PRDM1: variants seen among roughly 807,000 people sequenced by gnomAD.
PRDM1 encodes the protein PR/SET domain 1.
PRDM1 carries 13 observed loss-of-function variants against 62.8 expected under a neutral mutation model. That is an observed-to-expected ratio of 0.21 (90% CI 0.13 to 0.33). The LOEUF (loss-of-function observed/expected upper bound fraction) is 0.33. Ranked by LOEUF, PRDM1 falls within the 10% of genes least tolerant of loss-of-function variation. The probability of loss-of-function intolerance (pLI) is 1.00; values close to 1 mark genes in which losing one functional copy is unlikely to be tolerated. For missense variants in PRDM1, 895 were observed against 1,058.8 expected (o/e 0.85, Z 2.15); for synonymous variants, 396 against 417.6 (o/e 0.95, Z 0.63).
upstream of PRDM1, among the ~76,000 whole-genome samples, chr6:106,084,153 T>C (rs915266238): frequency 2.0e-5 from 3 of 151,710 alleles, no homozygotes; most frequent in African/African-American, 4.8e-5. Flanking sequence ...GTTTGGAGGT[T>C]TTTTTTTTCC....
intron 1 of PRDM1, among the ~76,000 whole-genome samples, chr6:106,052,500 A>G (rs1423051728): frequency 6.6e-6 from 1 of 152,172 alleles, no homozygotes; most frequent in African/African-American, 2.4e-5. Flanking sequence ...GCTGTTAATA[A>G]TGTATATCTT....
At chr6:106,031,914 T>G (rs1180843788) in intron 1 of PRDM1, among the ~76,000 whole-genome samples, 1 of 152,162 alleles carries the variant, frequency 6.6e-6, no homozygotes, top group East Asian at 1.9e-4. Flanking sequence ...TTTTAACTTT[T>G]TTTGTGCCCA....
At chr6:106,105,976 G>C (rs377350934) in intron 5 of PRDM1, 43 bp downstream of exon 5, 12 of 1,567,818 alleles carry the variant, frequency 7.7e-6, no homozygotes, top group Non-Finnish European at 9.5e-6. Flanking sequence ...GTGAGTGCAT[G>C]CTTGTGTTTG....
intron 1 of PRDM1, among the ~76,000 whole-genome samples, chr6:106,038,027 T>TTTTTTTTTTTTTTTTTTTG (rs1772946470): frequency 8.8e-6 from 1 of 113,524 alleles, no homozygotes; most frequent in Non-Finnish European, 1.8e-5. Flanking sequence ...TTTTTTTTTT[T>TTTTTTTTTTTTTTTTTTTG]TTTTTTTGAG....
rs1241575242 is a variant in PRDM1 at position 106,098,254 on chromosome 6, G to A, written c.412-1046G>A. ...ATAAGGAAATTTCTTAAAGTCTAAAGTAAAGGTGGTACCTCCTAAAAAGAG... is the reference window on the plus strand; with the variant it reads ...ATAAGGAAATTTCTTAAAGTCTAAAATAAAGGTGGTACCTCCTAAAAAGAG... On this transcript the variant is annotated intron_variant, in intron 3 of 6. Coordinates refer to ENST00000369096, the MANE Select transcript of PRDM1 (RefSeq NM_001198.4). The A allele has an allele frequency of 1.1e-5, 11 of 985,120 alleles. No individual in the cohort carries two copies. In the African/African-American group the frequency reaches 1.9e-4, roughly 17 times the overall value. 61.0% of individuals were successfully genotyped at this position (985,120 alleles called of 1,614,324 possible). A position where few individuals can be genotyped will look rare whatever the true frequency, so the allele number is the denominator to read the frequency against.
chr6:106,018,473 A>T (rs533416333), intron 1 of PRDM1, among the ~76,000 whole-genome samples: 1 of 152,270 alleles, frequency 6.6e-6, no homozygotes, highest in South Asian at 2.1e-4. Flanking sequence ...GCTTTTACCT[A>T]GTGTCCTTTT....
intron 1 of PRDM1, among the ~76,000 whole-genome samples, chr6:105,997,284 T>A (rs895098932): frequency 2.4e-4 from 36 of 152,210 alleles, no homozygotes; most frequent in Admixed American, 2.0e-4. Flanking sequence ...GATTTTTTTT[T>A]ATATTGTGCT....
intron 1 of PRDM1, among the ~76,000 whole-genome samples, chr6:106,056,567 C>T (rs139793284): frequency 2.0e-5 from 3 of 152,214 alleles, no homozygotes; most frequent in East Asian, 1.9e-4. Flanking sequence ...GAAGCTCCTG[C>T]GAAGGAAGTA....
chr6:106,064,988 T>G (rs920764247), intron 1 of PRDM1, among the ~76,000 whole-genome samples: 3 of 152,186 alleles, frequency 2.0e-5, no homozygotes, highest in African/African-American at 7.2e-5. Flanking sequence ...GCCACACTGG[T>G]TGTCCATGTG....
intron 1 of PRDM1, among the ~76,000 whole-genome samples, chr6:106,064,385 C>T (rs1398993906): frequency 1.3e-5 from 2 of 152,134 alleles, no homozygotes; most frequent in Non-Finnish European, 2.9e-5. Context: ...GCTTAGCCAG[C>T]GGGGAAACTG....
upstream of PRDM1, among the ~76,000 whole-genome samples, chr6:106,045,172 C>A (rs891723407): frequency 6.6e-6 from 1 of 151,990 alleles, no homozygotes; most frequent in African/African-American, 2.4e-5. Flanking sequence ...AGGAACTATC[C>A]CAATAAAACA....
chr6:106,013,186 ACTCTTCAACAACAGATCATCAAT>A (rs1225568445), intron 1 of PRDM1, among the ~76,000 whole-genome samples: 7 of 150,910 alleles, frequency 4.6e-5, no homozygotes. Context: ...GCCTGGCCAT[ACTCTTCAACAACAGATCATCAAT>A]AATTGCAGTG....
At position 106,107,153 on chromosome 6, in the gene PRDM1, G is replaced by T. The variant is rs746866971; in HGVS notation, c.2145G>T (p.Ala715=). The change falls in exon 7 of 7, where the codon GCG becomes GCT. Residue 715 remains alanine (A), a synonymous_variant. Coordinates refer to ENST00000369096, the MANE Select transcript of PRDM1 (RefSeq NM_001198.4). Reference sequence around the variant, plus strand: ...AAGGGAACTGCGCTGCGGCCCCGGCGCCTGGGCTGCCCTTGGAAGATCTGA... The same window carrying T: ...AAGGGAACTGCGCTGCGGCCCCGGCTCCTGGGCTGCCCTTGGAAGATCTGA... The part of the protein sequence containing the change: ...HLKGNCAAAP[A]PGLPLEDLTR... The T allele has an allele frequency of 6.2e-7, 1 of 1,614,204 alleles. No homozygotes were observed.
chr6:106,104,308 T>C (rs192386965), intron 4 of PRDM1, among the ~76,000 whole-genome samples: 1 of 151,748 alleles, frequency 6.6e-6, no homozygotes, highest in African/African-American at 2.4e-5. Context: ...ACCTCCCAGA[T>C]TCAAGCGATT....
chr6:106,096,680 A>T (rs997600387), intron 3 of PRDM1, among the ~76,000 whole-genome samples: 1 of 152,224 alleles, frequency 6.6e-6, no homozygotes, highest in African/African-American at 2.4e-5. Flanking sequence ...TAGCCAGTAC[A>T]ATTTCCTTTG....
At position 106,107,406 on chromosome 6, in the gene PRDM1, A is replaced by G; in HGVS notation, c.2398A>G (p.Met800Val). Residue 800 changes from methionine (M) to valine (V), a missense_variant, in exon 7 of 7, where the codon ATG becomes GTG. Around this residue, in one of 4 missense-constraint regions of PRDM1, gnomAD observed 164 missense variants for 179.9 expected, o/e 0.91. Transcript: ENST00000369096. ...TTATGAGTCATCAGATCTACCCCTCATGAAGTTGCCTCCCAGCAACCCACT... is the reference window on the plus strand; with the variant it reads ...TTATGAGTCATCAGATCTACCCCTCGTGAAGTTGCCTCCCAGCAACCCACT... Reference protein sequence around the residue: ...SLYESSDLPLMKLPPSNPLPL... With the variant: ...SLYESSDLPLVKLPPSNPLPL... The G allele has an allele frequency of 6.2e-7, 1 of 1,614,182 alleles. No homozygotes were observed. The highest frequency in any genetic ancestry group is 8.5e-7 in the Non-Finnish European group (1 of 1,180,030).
chr6:106,072,348 C>T (rs907086843), intron 1 of PRDM1: 1 of 152,230 alleles, frequency 6.6e-6, no homozygotes, highest in Non-Finnish European at 1.5e-5. Context: ...AATTCCAGAT[C>T]GCAAATGAGG....
At chr6:106,103,182 G>C (rs1467000784) in intron 4 of PRDM1, among the ~76,000 whole-genome samples, 1 of 152,084 alleles carries the variant, frequency 6.6e-6, no homozygotes, top group Non-Finnish European at 1.5e-5. Context: ...TTATTCTGGG[G>C]CTTCAGGCTC....
chr6:106,084,028 G>GT (rs1276119167), upstream of PRDM1, among the ~76,000 whole-genome samples: 1 of 152,082 alleles, frequency 6.6e-6, no homozygotes, highest in African/African-American at 2.4e-5. Flanking sequence ...ATATGGACAT[G>GT]TTTTTTCCTA....
Sources: allele counts gnomAD v4.1 joint callset (sites outside exome capture counted in the v4.1 genomes callset), GRCh38; gene constraint gnomAD v4.1.1; regional missense constraint gnomAD v4.1.1; transcripts MANE v1.5; gene names NCBI Gene and HGNC (gene_info 2026-07-23, HGNC 2026-07-21).